Variants in RALYL observed in about 807,000 individuals in gnomAD.
The protein encoded by RALYL is RALY RNA binding protein like.
RALYL carries 29 observed loss-of-function variants against 35.1 expected under a neutral mutation model. The ratio of observed to expected loss-of-function variants is 0.83; its 90% confidence interval spans 0.61 to 1.13. RALYL has a LOEUF of 1.13. Among genes scored for constraint, RALYL ranks in the 50% most tolerant of loss-of-function variants. The pLI, the probability that RALYL is intolerant of heterozygous loss-of-function variation, is 0.00. For synonymous variants in RALYL, 120 were observed against 127.6 expected, an observed-to-expected ratio of 0.94 and a Z score of 0.40; for missense variants, 359 against 360.4, an observed-to-expected ratio of 1.00 and a Z score of 0.03.
chr8:84,561,147 A>G (rs966945001), intron 2 of RALYL, among the ~76,000 whole-genome samples: 2 of 152,076 alleles, frequency 1.3e-5, no homozygotes, highest in South Asian at 2.1e-4. Context: ...GGACCTGACA[A>G]TAGTGTTATT....
intron 3 of RALYL, among the ~76,000 whole-genome samples, chr8:84,803,489 G>A (rs1214551077): frequency 3.9e-5 from 6 of 152,102 alleles, no homozygotes; most frequent in African/African-American, 1.4e-4. Context: ...GGCAATTAAT[G>A]TACCTACAGT....
At chr8:84,636,788 A>C (rs1202975338) in intron 2 of RALYL, among the ~76,000 whole-genome samples, 1 of 151,894 alleles carries the variant, frequency 6.6e-6, no homozygotes, top group Non-Finnish European at 1.5e-5. Context: ...GGACTGATAC[A>C]TATTTTTCAA....
At chr8:84,804,829 TATTA>T in intron 4 of RALYL, 27 bp downstream of exon 4, 2 of 1,020,192 alleles carry the variant, frequency 2.0e-6, no homozygotes, top group Non-Finnish European at 2.6e-6. Flanking sequence ...ATACTTTAAG[TATTA>T]ATTATTTAAT....
intron 1 of RALYL, among the ~76,000 whole-genome samples, chr8:84,204,720 C>A (rs1308011527): frequency 6.6e-6 from 1 of 152,160 alleles, no homozygotes; most frequent in African/African-American, 2.4e-5. Context: ...TGTTCAACTG[C>A]TGTCTCCAAT....
intron 1 of RALYL, among the ~76,000 whole-genome samples, chr8:84,288,330 A>C (rs1202415970): frequency 6.6e-6 from 1 of 152,210 alleles, no homozygotes; most frequent in Admixed American, 6.5e-5. Flanking sequence ...ACTGTGCTAC[A>C]GTATCTCTTA....
intron 2 of RALYL, among the ~76,000 whole-genome samples, chr8:84,766,570 T>TAAATAAATAAAA (rs1353877907): frequency 2.9e-5 from 4 of 137,494 alleles, no homozygotes; most frequent in African/African-American, 8.2e-5. Flanking sequence ...AATAAATAAA[T>TAAATAAATAAAA]AAAATTAGCC....
intron 2 of RALYL, among the ~76,000 whole-genome samples, chr8:84,544,099 G>C (rs1030640044): frequency 6.6e-6 from 1 of 151,946 alleles, no homozygotes; most frequent in Non-Finnish European, 1.5e-5. Context: ...TGTTAGGTAA[G>C]AACAACAAAA....
At chr8:84,608,903 T>A (rs568334806) in intron 2 of RALYL, among the ~76,000 whole-genome samples, 1 of 152,222 alleles carries the variant, frequency 6.6e-6, no homozygotes, top group East Asian at 1.9e-4. Flanking sequence ...ACCAAACCCA[T>A]CCACTCAAAG....
intron 1 of RALYL, among the ~76,000 whole-genome samples, chr8:84,469,617 G>T (rs898232612): frequency 5.3e-5 from 8 of 152,340 alleles, no homozygotes; most frequent in African/African-American, 1.9e-4. Flanking sequence ...GCCCCCAGAG[G>T]TGGAGCCTAC....
chr8:84,847,265 G>A (rs1044896977), intron 4 of RALYL, among the ~76,000 whole-genome samples: 1 of 152,148 alleles, frequency 6.6e-6, no homozygotes, highest in Non-Finnish European at 1.5e-5. Context: ...GGATCCCAGA[G>A]GTCTGTGGCG....
chr8:84,191,721 G>T (rs933752450), intron 1 of RALYL, among the ~76,000 whole-genome samples: 12 of 152,074 alleles, frequency 7.9e-5, no homozygotes, highest in African/African-American at 2.9e-4. Context: ...TGTAAACGTT[G>T]AGTAAAGTAA....
intron 2 of RALYL, among the ~76,000 whole-genome samples, chr8:84,668,490 G>C (rs1832530822): frequency 6.6e-6 from 1 of 152,062 alleles, no homozygotes; most frequent in Non-Finnish European, 1.5e-5. Flanking sequence ...AAAGGTAGTA[G>C]ATCCAGGTGG....
chr8:84,754,398 C>G (rs1810868673), intron 2 of RALYL, among the ~76,000 whole-genome samples: 1 of 152,140 alleles, frequency 6.6e-6, no homozygotes, highest in Non-Finnish European at 1.5e-5. Context: ...CTATACCTCT[C>G]TGGAATTATT....
At chr8:84,904,592 GT>G in intron 8 of RALYL, among the ~76,000 whole-genome samples, 1 of 152,126 alleles carries the variant, frequency 6.6e-6, no homozygotes, top group East Asian at 1.9e-4. Flanking sequence ...TCCATTTTCT[GT>G]TAGCCACTCA....
chr8:84,918,505 C>T (rs1848819045), intron 8 of RALYL, among the ~76,000 whole-genome samples: 1 of 152,002 alleles, frequency 6.6e-6, no homozygotes, highest in Non-Finnish European at 1.5e-5. Flanking sequence ...TTAAAAGCTT[C>T]CAAGCTCCCA....
intron 1 of RALYL, among the ~76,000 whole-genome samples, chr8:84,300,847 A>C (rs141789937): frequency 6.6e-6 from 1 of 151,974 alleles, no homozygotes; most frequent in Admixed American, 6.6e-5. Flanking sequence ...TCAACTTGCC[A>C]GCATACCTTT....
rs116246274 is a variant in RALYL at position 84,434,315 on chromosome 8, C to T, written c.-23-94984C>T. ...CAAACAGAGTCATATTTTGAGATAT[C>T]GGGGGTTAGGACTTTAACATATGAA... On this transcript the variant is annotated intron_variant, in intron 1 of 8. Coordinates refer to ENST00000521268, the MANE Select transcript of RALYL (RefSeq NM_173848.7). Among the ~76,000 whole-genome samples, 150 of 152,156 alleles carry T rather than the reference C, an allele frequency of 9.9e-4. 2 individuals are homozygous for T. Among genetic ancestry groups the T allele is most frequent in the South Asian group, 3.3e-3 (16 of 4,828 alleles).
chr8:84,288,849 T>G (rs918904199), intron 1 of RALYL, among the ~76,000 whole-genome samples: 18 of 152,186 alleles, frequency 1.2e-4, no homozygotes, highest in Admixed American at 1.0e-3. Context: ...AAATAATGCA[T>G]TAATGAATAC....
intron 8 of RALYL, among the ~76,000 whole-genome samples, chr8:84,905,451 C>T (rs755845564): frequency 6.6e-6 from 1 of 152,112 alleles, no homozygotes; most frequent in Non-Finnish European, 1.5e-5. Flanking sequence ...AGTGGGATTG[C>T]TGGGTCATCT....
Sources: allele counts gnomAD v4.1 joint callset (sites outside exome capture counted in the v4.1 genomes callset), GRCh38; gene constraint gnomAD v4.1.1; transcripts MANE v1.5; gene names NCBI Gene and HGNC (gene_info 2026-07-23, HGNC 2026-07-21).